Variants in ZNF521 observed in about 807,000 individuals in gnomAD.
ZNF521 encodes the protein LYST-interacting protein 3.
Under a neutral mutation model 105.5 loss-of-function variants are expected in ZNF521, and 14 were observed. The ratio of observed to expected loss-of-function variants is 0.13; its 90% CI spans 0.09 to 0.21. The LOEUF is 0.21. Among genes scored for constraint, ZNF521 ranks in the 10% least tolerant of loss-of-function variants. The pLI, the probability that ZNF521 is intolerant of heterozygous loss-of-function variation, is 1.00. For synonymous variants in ZNF521, 635 were observed against 606.0 expected, an observed-to-expected ratio of 1.05 and a Z score of -0.70; for missense variants, 1,233 against 1,629.7, an observed-to-expected ratio of 0.76 and a Z score of 4.19.
intron 2 of ZNF521, among the ~76,000 whole-genome samples, chr18:25,349,859 C>A (rs1338424256): frequency 6.6e-6 from 1 of 150,432 alleles, no homozygotes; most frequent in Non-Finnish European, 1.5e-5. Context: ...GCCTCCAGCG[C>A]TGGCCCCCTG....
chr18:25,306,904 G>A (rs906770692), intron 3 of ZNF521, among the ~76,000 whole-genome samples: 1 of 151,052 alleles, frequency 6.6e-6, no homozygotes, highest in Non-Finnish European at 1.5e-5. Flanking sequence ...TTGGGTTCTG[G>A]CCTAAGTACA....
At chr18:25,289,675 T>A (rs148013036) in intron 3 of ZNF521, among the ~76,000 whole-genome samples, 68 of 152,296 alleles carry the variant, frequency 4.5e-4, no homozygotes, top group Non-Finnish European at 6.6e-4. Flanking sequence ...CCAACTCTCT[T>A]GTGTGTCCAA....
At chr18:25,219,228 T>G (rs1905535646) in intron 4 of ZNF521, among the ~76,000 whole-genome samples, 1 of 152,134 alleles carries the variant, frequency 6.6e-6, no homozygotes, top group Non-Finnish European at 1.5e-5. Context: ...TATATGCAGA[T>G]TTTTGACCGA....
intron 3 of ZNF521, among the ~76,000 whole-genome samples, chr18:25,240,911 T>C (rs1014403078): frequency 2.7e-5 from 4 of 148,934 alleles, no homozygotes; most frequent in African/African-American, 1.0e-4. Flanking sequence ...GCGAGTTTTC[T>C]GCACTACTTT....
At chr18:25,252,543 A>G (rs1351892069) in intron 3 of ZNF521, among the ~76,000 whole-genome samples, 1 of 151,654 alleles carries the variant, frequency 6.6e-6, no homozygotes, top group African/African-American at 2.4e-5. Flanking sequence ...TTTTTTCTTG[A>G]ACAAAGCAAT....
chr18:25,108,802 T>A (rs912692585), intron 5 of ZNF521, among the ~76,000 whole-genome samples: 1 of 152,082 alleles, frequency 6.6e-6, no homozygotes, highest in African/African-American at 2.4e-5. Flanking sequence ...TTTTTATATT[T>A]TTAGTAGAGA....
intron 3 of ZNF521, among the ~76,000 whole-genome samples, chr18:25,284,587 T>C (rs1910580418): frequency 6.6e-6 from 1 of 152,032 alleles, no homozygotes; most frequent in Admixed American, 6.6e-5. Flanking sequence ...GGCAGAGTCA[T>C]AGGCATAAAG....
rs538340598 is a variant in ZNF521, at chr18:25,205,567, G to C, written c.3574-10323C>G. ...CTACGGCTGGTAGATATCAAGGATG[G>C]ACAATTGGAGAGGTGAAGGAGTAGC... On this transcript the variant is annotated intron_variant, in intron 4 of 7. Transcript: ENST00000361524. Among the ~76,000 whole-genome samples the C allele has an allele frequency of 1.2e-4, 19 of 152,196 alleles. 1 individual carries two copies. The South Asian group carries it at 3.9e-3, about 32-fold the overall frequency.
intron 3 of ZNF521, among the ~76,000 whole-genome samples, chr18:25,243,434 G>C (rs1905412372): frequency 6.6e-6 from 1 of 152,002 alleles, no homozygotes; most frequent in African/African-American, 2.4e-5. Context: ...TTTCTCTCTG[G>C]GCAGAAAAGG....
Position 25,224,987 on chromosome 18 carries a change from G to A in ZNF521, c.2931C>T (p.His977=). The A allele has an allele frequency of 6.2e-7, 1 of 1,614,078 alleles. No individual in the cohort carries two copies. Among genetic ancestry groups the A allele is most frequent in the Non-Finnish European group, 8.5e-7 (1 of 1,180,018 alleles). Residue 977 remains histidine, a synonymous_variant, in exon 4 of 8, where the codon CAC becomes CAT. Coordinates refer to ENST00000361524, the MANE Select transcript of ZNF521 (RefSeq NM_015461.3). ...RFPSLLTLTE[H]KVTHSKSLDT... ...CAAGACTCTTACTATGCGTGACTTT[G>A]TGTTCAGTAAGAGTTAAAAGGGAGG...
At chr18:25,213,406 T>C (rs569037866) in intron 4 of ZNF521, among the ~76,000 whole-genome samples, 20 of 151,792 alleles carry the variant, frequency 1.3e-4, no homozygotes, top group Non-Finnish European at 2.8e-4. Context: ...GAGATAAAAA[T>C]ATAATTTATC....
intron 3 of ZNF521, among the ~76,000 whole-genome samples, chr18:25,264,626 CCT>C (rs1296355398): frequency 4.6e-5 from 7 of 152,096 alleles, no homozygotes; most frequent in Non-Finnish European, 7.4e-5. Context: ...AGATCTCATT[CCT>C]CTGTCAATTT....
chr18:25,141,327 G>C (rs1269020070), intron 5 of ZNF521, among the ~76,000 whole-genome samples: 1 of 152,142 alleles, frequency 6.6e-6, no homozygotes, highest in Non-Finnish European at 1.5e-5. Context: ...TGCACAAAAG[G>C]TGTGGTGGTC....
In ZNF521 at chr18:25,226,988, G is replaced by A; in HGVS notation, c.930C>T (p.Asn310=). Residue 310 remains asparagine, a synonymous_variant, in exon 4 of 8, where the codon AAC becomes AAT. Coordinates refer to ENST00000361524, the MANE Select transcript of ZNF521 (RefSeq NM_015461.3). The surrounding 1 kb of genome is among the most constrained non-coding windows in gnomAD (Gnocchi z 4.1). ...MEQVHSGEKK[N]SCSICSESFH... The stretch of plus-strand genomic sequence containing the variant: ...AACTCTCAGAACAAATGCTGCATGA[G>A]TTCTTCTTCTCCCCGCTATGCACCT... 1 of 1,614,094 alleles carries A rather than the reference G, an allele frequency of 6.2e-7. No individual in the cohort carries two copies. Among genetic ancestry groups the A allele is most frequent in the South Asian group, 1.1e-5 (1 of 91,070 alleles).
At chr18:25,288,742 G>A (rs992192300) in intron 3 of ZNF521, among the ~76,000 whole-genome samples, 1 of 152,040 alleles carries the variant, frequency 6.6e-6, no homozygotes, top group Non-Finnish European at 1.5e-5. Flanking sequence ...TTCAGAACAC[G>A]TTACCCAGTT....
At chr18:25,327,938 G>A (rs1348258828) in intron 2 of ZNF521, among the ~76,000 whole-genome samples, 2 of 152,014 alleles carry the variant, frequency 1.3e-5, no homozygotes, top group African/African-American at 2.4e-5. Context: ...GAACCACATC[G>A]GCCTCAACTT....
At position 25,226,751 on chromosome 18, in the gene ZNF521, T is replaced by A. The variant is rs1377253344; in HGVS notation, c.1167A>T (p.Gln389His). 6 of 1,614,094 alleles carry A rather than the reference T, an allele frequency of 3.7e-6. No individual in the cohort carries two copies. The highest frequency in any genetic ancestry group is 5.1e-6 in the Non-Finnish European group (6 of 1,180,004). Residue 389 changes from glutamine (Q) to histidine (H), a missense_variant, in exon 4 of 8, where the codon CAA (glutamine) becomes CAT (histidine). Coordinates refer to ENST00000361524, the MANE Select transcript of ZNF521 (RefSeq NM_015461.3). The surrounding 1 kb of genome is among the most constrained non-coding windows in gnomAD (Gnocchi z 4.1). ...KSRGRKRAAQQTPDMTGPSSK... is the reference protein window; with the variant it reads ...KSRGRKRAAQHTPDMTGPSSK... ...TCGAGGGACCAGTCATGTCAGGGGT[T>A]TGTTGAGCGGCCCTCTTCCTCCCTC...
At chr18:25,247,835 C>T (rs890995752) in intron 3 of ZNF521, among the ~76,000 whole-genome samples, 1 of 151,950 alleles carries the variant, frequency 6.6e-6, no homozygotes, top group Non-Finnish European at 1.5e-5. Flanking sequence ...GGCAAAAAAA[C>T]CTAAAGTGAA....
intron 7 of ZNF521, among the ~76,000 whole-genome samples, chr18:25,081,845 A>T (rs1182533658): frequency 6.6e-6 from 1 of 152,140 alleles, no homozygotes; most frequent in East Asian, 1.9e-4. Context: ...TGCATAGATG[A>T]TGGGGGGTTG....
Sources: allele counts gnomAD v4.1 joint callset (sites outside exome capture counted in the v4.1 genomes callset), GRCh38; gene constraint gnomAD v4.1.1; non-coding constraint Gnocchi (gnomAD v3.1); transcripts MANE v1.5; gene names NCBI Gene and HGNC (gene_info 2026-07-23, HGNC 2026-07-21).